The following COG6 variants were observed in gnomAD, a reference collection of about 807,000 sequenced individuals.
The protein encoded by COG6 is component of oligomeric golgi complex 6.
Under a neutral mutation model 88.8 loss-of-function variants are expected in COG6, and 74 were observed. The observed-to-expected ratio is 0.83, with a 90% CI of 0.69 to 1.01. The LOEUF is 1.01. Ranked by LOEUF, COG6 falls within the 50% of genes least tolerant of loss-of-function variation. The probability of loss-of-function intolerance (pLI) is 0.00; values close to 1 mark genes in which losing one functional copy is unlikely to be tolerated. For synonymous variants in COG6, 286 were observed against 278.7 expected (o/e 1.03, Z -0.26); for missense variants, 800 against 797.9 (o/e 1.00, Z -0.03).
intron 7 of COG6, among the ~76,000 whole-genome samples, chr13:39,681,023 A>G (rs1019750402): frequency 6.6e-6 from 1 of 152,234 alleles, no homozygotes; most frequent in Non-Finnish European, 1.5e-5. Context: ...TATTTTGCCT[A>G]CCAGGAATGC....
At chr13:39,695,649 A>T (rs759455863) in intron 12 of COG6, among the ~76,000 whole-genome samples, 10 of 151,828 alleles carry the variant, frequency 6.6e-5, no homozygotes, top group Admixed American at 3.9e-4. Flanking sequence ...CCCCTTAGTG[A>T]CAGAGAGTAG....
chr13:39,699,293 T>A (rs1001327704), intron 12 of COG6, among the ~76,000 whole-genome samples: 8 of 151,918 alleles, frequency 5.3e-5, no homozygotes, highest in Non-Finnish European at 8.9e-5. Context: ...AACATAGTAG[T>A]TTGTTTTTAT....
chr13:39,658,670 T>G (rs1251117141), intron 1 of COG6, among the ~76,000 whole-genome samples: 1 of 152,230 alleles, frequency 6.6e-6, no homozygotes. Flanking sequence ...ATAGTGGCCT[T>G]CCTTCTACCA....
At chr13:39,773,268 G>A (rs535929299) in intron 18 of COG6, among the ~76,000 whole-genome samples, 1 of 152,324 alleles carries the variant, frequency 6.6e-6, no homozygotes, top group East Asian at 1.9e-4. Context: ...AAGAGGCTTA[G>A]GCCTAAATGG....
At chr13:39,699,425 T>C in intron 12 of COG6, 76 bp from the exon 13 acceptor site, 1 of 742,018 alleles carries the variant, frequency 1.3e-6, no homozygotes, top group Non-Finnish European at 2.5e-6. Flanking sequence ...TAGATCCTTT[T>C]AAAGCATTCT....
At chr13:39,750,517 A>G (rs9603609) in intron 18 of COG6, among the ~76,000 whole-genome samples, 64 of 152,230 alleles carry the variant, frequency 4.2e-4, no homozygotes, top group African/African-American at 1.4e-3. Context: ...AGAGCAGTTT[A>G]CTTTAAGTTT....
intron 4 of COG6, 138 bp from the exon 5 acceptor site, chr13:39,677,330 G>A: frequency 1.5e-6 from 1 of 656,796 alleles, no homozygotes; most frequent in South Asian, 1.7e-5. Flanking sequence ...ATTTGAGGCA[G>A]AAACAAGACT....
At chr13:39,764,452 A>G (rs1452861045) in intron 18 of COG6, among the ~76,000 whole-genome samples, 2 of 151,060 alleles carry the variant, frequency 1.3e-5, no homozygotes. Flanking sequence ...AGCTTATATT[A>G]TTGATTTTCA....
At chr13:39,785,626 C>T (rs1881750081) in intron 18 of COG6, 1 of 152,166 alleles carries the variant, frequency 6.6e-6, no homozygotes, top group South Asian at 2.1e-4. Context: ...TTACACTCCT[C>T]CATCAGAAAC....
At chr13:39,734,587 A>G (rs757949858) in intron 18 of COG6, among the ~76,000 whole-genome samples, 8 of 152,174 alleles carry the variant, frequency 5.3e-5, no homozygotes, top group Non-Finnish European at 1.2e-4. Flanking sequence ...CATTGGATGA[A>G]ATACTCTACA....
At chr13:39,748,957 TA>T (rs1050019698) in intron 18 of COG6, among the ~76,000 whole-genome samples, 2 of 152,166 alleles carry the variant, frequency 1.3e-5, no homozygotes, top group African/African-American at 4.8e-5. Context: ...CAGATAGTCT[TA>T]AAAATGTATT....
At chr13:39,673,763 C>T (rs1875791476) in intron 4 of COG6, among the ~76,000 whole-genome samples, 1 of 151,794 alleles carries the variant, frequency 6.6e-6, no homozygotes, top group African/African-American at 2.4e-5. Context: ...GATAGAACCA[C>T]AATTAATATT....
chr13:39,722,733 T>C (rs542361158), intron 15 of COG6, among the ~76,000 whole-genome samples: 1 of 152,078 alleles, frequency 6.6e-6, no homozygotes, highest in Admixed American at 6.6e-5. Flanking sequence ...TCCCCCAAAA[T>C]AGCACAAAGC....
chr13:39,677,463 T>C lies in COG6; in HGVS notation c.429-5T>C. 1 of 1,567,878 alleles carries C rather than the reference T, an allele frequency of 6.4e-7. No individual in the cohort carries two copies. Among genetic ancestry groups the C allele is most frequent in the Non-Finnish European group, 8.8e-7 (1 of 1,138,178 alleles). On this transcript the variant is annotated splice_region_variant and splice_polypyrimidine_tract_variant and intron_variant, in intron 4 of 18. Coordinates refer to ENST00000455146, the MANE Select transcript of COG6 (RefSeq NM_020751.3). ...GATTTTTATTGCTTGTTTTGAAAAT[T>C]ACAGCCAAAAATTAGAGATAAGAGC...
At chr13:39,789,336 TTTG>T (rs1881868837) in exon 19 of COG6, 6 of 152,240 alleles carry the variant, frequency 3.9e-5, no homozygotes, top group Non-Finnish European at 2.9e-5. Context: ...ATATTTTGAT[TTTG>T]TTGTTAAGAA....
chr13:39,765,849 A>G (rs940106742), intron 18 of COG6, among the ~76,000 whole-genome samples: 6 of 152,244 alleles, frequency 3.9e-5, no homozygotes, highest in African/African-American at 1.2e-4. Context: ...CTGTGTGCAG[A>G]TACTTACTGA....
chr13:39,730,299 CCT>C (rs1467670316), intron 18 of COG6, among the ~76,000 whole-genome samples: 2 of 151,808 alleles, frequency 1.3e-5, no homozygotes, highest in African/African-American at 4.8e-5. Context: ...TACCTATTTA[CCT>C]CTGTTTTCAT....
intron 4 of COG6, among the ~76,000 whole-genome samples, chr13:39,666,178 T>A (rs1875250570): frequency 6.6e-6 from 1 of 152,222 alleles, no homozygotes; most frequent in African/African-American, 2.4e-5. Context: ...TTATCAATCA[T>A]TACTACTATT....
intron 12 of COG6, among the ~76,000 whole-genome samples, chr13:39,695,372 C>A (rs1877218084): frequency 1.3e-5 from 2 of 151,740 alleles, no homozygotes; most frequent in Admixed American, 1.3e-4. Context: ...TGGTGGTATA[C>A]CCGTGAGTTT....
Sources: gnomAD v4.1 joint callset for allele counts (sites outside exome capture counted in the v4.1 genomes callset) on GRCh38, gnomAD v4.1.1 for gene constraint, MANE v1.5 for transcripts, NCBI Gene and HGNC (gene_info 2026-07-23, HGNC 2026-07-21) for gene names.